IPO11: variants seen among roughly 807,000 people sequenced by gnomAD.
IPO11 encodes the protein importin-11.
Under a neutral mutation model 143.2 loss-of-function variants are expected in IPO11, and 66 were observed. That is an observed-to-expected ratio of 0.46 (90% CI 0.38 to 0.57). The LOEUF is 0.57. IPO11 is among the 20% of genes least tolerant of loss of function. The pLI, the probability that IPO11 is intolerant of heterozygous loss-of-function variation, is 0.00. For synonymous variants in IPO11, 385 were observed against 377.8 expected (o/e 1.02, Z -0.22); for missense variants, 1,026 against 1,141.0 (o/e 0.90, Z 1.45).
At chr5:62,574,060 T>C (rs1169590625) in intron 27 of IPO11, among the ~76,000 whole-genome samples, 2 of 152,228 alleles carry the variant, frequency 1.3e-5, no homozygotes, top group African/African-American at 4.8e-5. Flanking sequence ...TAACTATAGC[T>C]ATTTGTTATA....
At chr5:62,536,422 CATTCATTCATTCATTCATTCATTT>C (rs1267441438) in intron 22 of IPO11, among the ~76,000 whole-genome samples, 1,968 of 116,048 alleles carry the variant, frequency 0.017, 34 homozygotes, top group African/African-American at 0.075. Context: ...AGTATTCATT[CATTCATTCATTCATTCATTCATTT>C]ATTCATTCAT....
intron 21 of IPO11, among the ~76,000 whole-genome samples, 154 bp from the exon 22 acceptor site, chr5:62,530,555 T>G (rs1367216891): frequency 3.3e-5 from 5 of 152,244 alleles, no homozygotes; most frequent in Non-Finnish European, 4.4e-5. Context: ...TTTTGAGGCA[T>G]TTGGTTAATT....
chr5:62,513,772 G>A (rs1318193395), intron 19 of IPO11, among the ~76,000 whole-genome samples: 17 of 150,860 alleles, frequency 1.1e-4, no homozygotes, highest in East Asian at 7.9e-4. Flanking sequence ...GCTGCCAGGC[G>A]GAGACGCTCC....
chr5:62,498,097 C>G (rs1313968577), intron 16 of IPO11, among the ~76,000 whole-genome samples: 2 of 151,710 alleles, frequency 1.3e-5, no homozygotes, highest in Non-Finnish European at 2.9e-5. Flanking sequence ...GAAATGCATT[C>G]TTATAGCTTT....
intron 26 of IPO11, among the ~76,000 whole-genome samples, chr5:62,553,499 G>T (rs1198677441): frequency 1.3e-5 from 2 of 152,130 alleles, no homozygotes; most frequent in Non-Finnish European, 2.9e-5. Flanking sequence ...TTTTGGAGAT[G>T]TATATATCCA....
chr5:62,619,268 C>G (rs986497837), intron 29 of IPO11, among the ~76,000 whole-genome samples: 2 of 152,236 alleles, frequency 1.3e-5, no homozygotes, highest in South Asian at 2.1e-4. Context: ...TTAGCAATAG[C>G]TTGTCTTTCC....
intron 29 of IPO11, among the ~76,000 whole-genome samples, chr5:62,603,675 G>A (rs1745591891): frequency 6.6e-6 from 1 of 152,172 alleles, no homozygotes; most frequent in Admixed American, 6.5e-5. Context: ...GGATGTGGGA[G>A]GAAACTGGAG....
At chr5:62,613,517 C>T (rs1025612584) in intron 29 of IPO11, among the ~76,000 whole-genome samples, 6 of 151,702 alleles carry the variant, frequency 4.0e-5, no homozygotes, top group Non-Finnish European at 7.4e-5. Context: ...TGCCCAGGCT[C>T]GTCTTGAACT....
intron 29 of IPO11, among the ~76,000 whole-genome samples, chr5:62,624,551 C>T (rs1174798263): frequency 2.0e-5 from 3 of 152,214 alleles, no homozygotes; most frequent in South Asian, 2.1e-4. Context: ...GCTTCTTTAC[C>T]GCAACCTATC....
chr5:62,568,466 C>T (rs746131330), intron 27 of IPO11, among the ~76,000 whole-genome samples: 34 of 146,412 alleles, frequency 2.3e-4, no homozygotes, highest in Admixed American at 5.7e-4. Flanking sequence ...CCCAGCTACT[C>T]GGGAGGCTGA....
At chr5:62,471,181 A>T (rs1189217146) in intron 7 of IPO11, among the ~76,000 whole-genome samples, 1 of 146,736 alleles carries the variant, frequency 6.8e-6, no homozygotes, top group Admixed American at 6.8e-5. Context: ...TATTATACTT[A>T]GATTTGTGTT....
intron 5 of IPO11, among the ~76,000 whole-genome samples, chr5:62,460,330 G>A (rs1166755021): frequency 6.6e-6 from 1 of 151,944 alleles, no homozygotes; most frequent in Non-Finnish European, 1.5e-5. Context: ...AAATGCCATT[G>A]ACTTGTTAAA....
chr5:62,471,969 C>T (rs1469222446), intron 7 of IPO11, among the ~76,000 whole-genome samples: 1 of 152,086 alleles, frequency 6.6e-6, no homozygotes, highest in Non-Finnish European at 1.5e-5. Flanking sequence ...TACATATTAC[C>T]AAATTGCTGA....
At chr5:62,476,577 C>G (rs1745963978) in intron 8 of IPO11, 106 bp from the exon 9 acceptor site, 2 of 1,216,324 alleles carry the variant, frequency 1.6e-6, no homozygotes, top group East Asian at 5.8e-5. Flanking sequence ...ATTCATAATG[C>G]AAAATATGCA....
At chr5:62,546,607 CCACA>C (rs143786287) in intron 24 of IPO11, among the ~76,000 whole-genome samples, 4,126 of 151,522 alleles carry the variant, frequency 0.027, 65 homozygotes, top group African/African-American at 0.05. Flanking sequence ...AAAAAAAAAA[CCACA>C]CACACACAAT....
chr5:62,475,554 T>G (rs1378427948), intron 8 of IPO11, among the ~76,000 whole-genome samples: 6 of 152,206 alleles, frequency 3.9e-5, no homozygotes, highest in Non-Finnish European at 2.9e-5. Context: ...TTTCTGTATT[T>G]CTACTGCAGC....
At chr5:62,519,188 A>G (rs1742126677) in intron 20 of IPO11, among the ~76,000 whole-genome samples, 1 of 152,328 alleles carries the variant, frequency 6.6e-6, no homozygotes, top group Admixed American at 6.5e-5. Context: ...TAGGCATATG[A>G]ACTGACATGT....
At position 62,419,228 on chromosome 5, in the gene IPO11, G is replaced by A. The variant is rs913776761; in HGVS notation, c.-7+6299G>A. 21 of 1,284,398 alleles carry A rather than the reference G, an allele frequency of 1.6e-5. No individual in the cohort carries two copies. The East Asian group carries it at 2.9e-4, about 18-fold the overall frequency. 79.6% of individuals were successfully genotyped at this position (1,284,398 alleles called of 1,614,324 possible). A position where few individuals can be genotyped will look rare whatever the true frequency, so the allele number is the denominator to read the frequency against. ...TACATCTGTACAGGGCACTTACCTC[G>A]AATGGAGCTTGGAGGACTGGAAATT... On this transcript the variant is annotated intron_variant, in intron 1 of 29. Transcript: ENST00000325324.
At chr5:62,516,941 GTAAT>G (rs1163985115) in intron 20 of IPO11, among the ~76,000 whole-genome samples, 2 of 151,722 alleles carry the variant, frequency 1.3e-5, no homozygotes, top group African/African-American at 4.8e-5. Context: ...GCTCAAGCCT[GTAAT>G]CCCAGCACTT....
Sources: gnomAD v4.1 joint callset for allele counts (sites outside exome capture counted in the v4.1 genomes callset) on GRCh38, gnomAD v4.1.1 for gene constraint, MANE v1.5 for transcripts, NCBI Gene and HGNC (gene_info 2026-07-23, HGNC 2026-07-21) for gene names.